The following ANK3 variants were observed in gnomAD, a reference collection of about 807,000 sequenced individuals.
ANK3 encodes ankyrin 3.
In ANK3, 57 loss-of-function variants were observed where a neutral mutation model predicts 370.9. That is an observed-to-expected ratio of 0.15 (90% CI 0.12 to 0.19). The LOEUF (loss-of-function observed/expected upper bound fraction) is 0.19. Ranked by LOEUF, ANK3 falls within the 10% of genes least tolerant of loss-of-function variation. The probability of loss-of-function intolerance (pLI) is 1.00; values close to 1 mark genes in which losing one functional copy is unlikely to be tolerated. For missense variants in ANK3, 4,439 were observed against 5,302.1 expected (o/e 0.84, Z 5.06); for synonymous variants, 1,929 against 1,946.3 (o/e 0.99, Z 0.23).
At chr10:60,464,644 G>A (rs1032877760) in intron 2 of ANK3, among the ~76,000 whole-genome samples, 1 of 152,094 alleles carries the variant, frequency 6.6e-6, no homozygotes, top group Non-Finnish European at 1.5e-5. Flanking sequence ...GAATATTTTT[G>A]CTCTATTTCT....
chr10:60,127,233 C>T (rs11596068), intron 25 of ANK3, among the ~76,000 whole-genome samples: 7,433 of 152,248 alleles, frequency 0.049, 228 homozygotes, highest in Non-Finnish European at 0.057. Flanking sequence ...AAAGTAATTG[C>T]TGTAATCCAG....
chr10:60,709,289 ATATCTATATC>A (rs1350161819), intron 1 of ANK3, among the ~76,000 whole-genome samples: 2 of 78,202 alleles, frequency 2.6e-5, no homozygotes, highest in Admixed American at 1.7e-4. Context: ...ATCTATATCT[ATATCTATATC>A]TATATCTATA....
At chr10:60,478,422 G>A (rs901590318) in intron 2 of ANK3, among the ~76,000 whole-genome samples, 2 of 152,050 alleles carry the variant, frequency 1.3e-5, no homozygotes, top group Non-Finnish European at 2.9e-5. Flanking sequence ...ATGGAATGAA[G>A]AATGACTAAT....
At chr10:60,551,315 G>C (rs2077083557) in intron 2 of ANK3, among the ~76,000 whole-genome samples, 1 of 152,066 alleles carries the variant, frequency 6.6e-6, no homozygotes, top group Admixed American at 6.6e-5. Context: ...GGCCATTATT[G>C]ATGAAACATT....
chr10:60,392,259 T>C (rs1206258701), upstream of ANK3, among the ~76,000 whole-genome samples: 1 of 152,236 alleles, frequency 6.6e-6, no homozygotes, highest in African/African-American at 2.4e-5. Flanking sequence ...TTATTATAGC[T>C]GAAATGAAAA....
rs559286567 is a variant in ANK3, at chr10:60,402,898, A to G, written c.97-123259T>C. 3.3e-5 allele frequency among the ~76,000 whole-genome samples: 5 copies of G among 152,340 alleles called. No homozygotes were observed. In the East Asian group the frequency reaches 5.8e-4, roughly 18 times the overall value. On this transcript the variant is annotated intron_variant, in intron 2 of 43. Transcript: ENST00000373827. ...AGCCCAGTGGCCAGCCTACAGTTAC[A>G]TAAGTGGTTATTATTTTAAACCACT...
rs1207948410 is a variant in ANK3, at chr10:60,213,459, C to T, written c.949G>A (p.Val317Ile). ...CGARSGHEQVVEMLLDRAAPI... is the reference protein window; with the variant it reads ...CGARSGHEQVIEMLLDRAAPI... ...GCAGCTCGATCAAGCAACATTTCTA[C>T]CACCTGCTCGTGGCCACTCCTTGCT... is the stretch of plus-strand genomic sequence containing the variant. Residue 317 changes from valine to isoleucine, a missense_variant, in exon 9 of 44, where the codon GTA becomes ATA. Physicochemically the swap from Val to Ile is conservative, Grantham distance 29 (BLOSUM62 3). Transcript: ENST00000280772. 2 of 1,612,688 alleles carry T rather than the reference C, an allele frequency of 1.2e-6. No individual in the cohort carries two copies. The highest frequency in any genetic ancestry group is 2.2e-5 in the East Asian group (1 of 44,862).
intron 2 of ANK3, among the ~76,000 whole-genome samples, chr10:60,612,862 G>A (rs1454040876): frequency 1.3e-5 from 2 of 152,190 alleles, no homozygotes; most frequent in Non-Finnish European, 1.5e-5. Flanking sequence ...CACGGGCACA[G>A]AGTCAGAATT....
intron 1 of ANK3, among the ~76,000 whole-genome samples, chr10:60,382,893 T>C: frequency 6.6e-6 from 1 of 151,000 alleles, no homozygotes; most frequent in East Asian, 1.9e-4. Context: ...AGAAGTACAC[T>C]AAGTATAAAG....
intron 8 of ANK3, among the ~76,000 whole-genome samples, chr10:60,232,064 C>G (rs2097254080): frequency 1.3e-5 from 2 of 152,146 alleles, no homozygotes; most frequent in African/African-American, 4.8e-5. Flanking sequence ...TGTTTTTCTC[C>G]TGGCCCTCCC....
intron 4 of ANK3, among the ~76,000 whole-genome samples, chr10:60,273,464 C>T (rs1485699880): frequency 6.6e-6 from 1 of 150,652 alleles, no homozygotes; most frequent in Non-Finnish European, 1.5e-5. Context: ...TTTTCATCAC[C>T]CCAAAAAGAA....
At chr10:60,320,203 T>C (rs375798933) in intron 1 of ANK3, among the ~76,000 whole-genome samples, 1 of 152,326 alleles carries the variant, frequency 6.6e-6, no homozygotes, top group African/African-American at 2.4e-5. Flanking sequence ...AAATCTTCCA[T>C]GTGCTTTGCC....
At chr10:60,454,731 C>T (rs1165371027) in intron 2 of ANK3, among the ~76,000 whole-genome samples, 3 of 152,138 alleles carry the variant, frequency 2.0e-5, no homozygotes, top group East Asian at 3.8e-4. Context: ...AATTTATCTC[C>T]TGACTTGAAG....
chr10:60,143,717 A>T (rs2094677215), intron 23 of ANK3, among the ~76,000 whole-genome samples: 1 of 152,196 alleles, frequency 6.6e-6, no homozygotes, highest in Admixed American at 6.5e-5. Context: ...CTTGCATAGT[A>T]CCCCTAAATT....
At chr10:60,531,815 A>G (rs1482041561) in intron 2 of ANK3, among the ~76,000 whole-genome samples, 1 of 152,076 alleles carries the variant, frequency 6.6e-6, no homozygotes, top group Non-Finnish European at 1.5e-5. Context: ...ATCACCTAGA[A>G]GTCTGTTAGA....
chr10:60,166,021 C>A (rs1409067622), intron 23 of ANK3, among the ~76,000 whole-genome samples: 1 of 151,986 alleles, frequency 6.6e-6, no homozygotes, highest in Non-Finnish European at 1.5e-5. Context: ...AAACAGAAAC[C>A]AATTTCTGAA....
chr10:60,516,926 T>C (rs1164628855), intron 2 of ANK3, among the ~76,000 whole-genome samples: 2 of 152,092 alleles, frequency 1.3e-5, no homozygotes, highest in Non-Finnish European at 2.9e-5. Context: ...CCTTGATCGT[T>C]GCAGACTAAG....
intron 1 of ANK3, among the ~76,000 whole-genome samples, chr10:60,384,538 TAG>T (rs1042121042): frequency 5.9e-5 from 9 of 152,218 alleles, no homozygotes; most frequent in African/African-American, 2.2e-4. Context: ...GCTAGAGAGT[TAG>T]ACTGTCCAAA....
intron 2 of ANK3, among the ~76,000 whole-genome samples, chr10:60,453,383 G>A (rs576467491): frequency 3.3e-5 from 5 of 152,234 alleles, no homozygotes; most frequent in South Asian, 2.1e-4. Flanking sequence ...ACTCCTTCAA[G>A]TTAAGAATTC....
Sources: allele counts gnomAD v4.1 joint callset (sites outside exome capture counted in the v4.1 genomes callset), GRCh38; gene constraint gnomAD v4.1.1; transcripts MANE v1.5; gene names NCBI Gene and HGNC (gene_info 2026-07-23, HGNC 2026-07-21).